TPST1: variants seen among roughly 807,000 people sequenced by gnomAD.
The protein encoded by TPST1 is protein-tyrosine sulfotransferase 1.
Under a neutral mutation model 34.8 loss-of-function variants are expected in TPST1, and 20 were observed. The ratio of observed to expected loss-of-function variants is 0.57; its 90% CI spans 0.40 to 0.84. The LOEUF (loss-of-function observed/expected upper bound fraction) is 0.84. Ranked by LOEUF, TPST1 falls within the 40% of genes least tolerant of loss-of-function variation. TPST1 has a pLI of 0.00. For synonymous variants in TPST1, 152 were observed against 159.4 expected (o/e 0.95, Z 0.35); for missense variants, 353 against 455.5 (o/e 0.78, Z 2.05).
At chr7:66,283,164 G>A (rs1169964313) in intron 2 of TPST1, among the ~76,000 whole-genome samples, 1 of 152,154 alleles carries the variant, frequency 6.6e-6, no homozygotes, top group East Asian at 1.9e-4. Context: ...AGGAGGCTGA[G>A]GCAGGAGAAT....
At chr7:66,293,187 CAG>C (rs1791122611) in intron 3 of TPST1, among the ~76,000 whole-genome samples, 2 of 150,806 alleles carry the variant, frequency 1.3e-5, no homozygotes, top group Non-Finnish European at 2.9e-5. Flanking sequence ...GCCTGGATGA[CAG>C]AGCGAGACTC....
intron 3 of TPST1, among the ~76,000 whole-genome samples, chr7:66,287,115 T>C (rs1421966635): frequency 7.1e-6 from 1 of 141,494 alleles, no homozygotes; most frequent in African/African-American, 2.7e-5. Context: ...TTTGGTTTTT[T>C]GTTCTTGCAA....
intron 5 of TPST1, among the ~76,000 whole-genome samples, chr7:66,358,049 A>C (rs1299946900): frequency 1.3e-5 from 2 of 151,612 alleles, no homozygotes. Context: ...GTGCCATTGC[A>C]CTCCAGCCTG....
intron 2 of TPST1, among the ~76,000 whole-genome samples, chr7:66,279,211 G>A (rs1016750984): frequency 6.6e-6 from 1 of 152,090 alleles, no homozygotes; most frequent in Non-Finnish European, 1.5e-5. Context: ...GTATTAATTC[G>A]CTTAGGATAA....
At chr7:66,224,652 T>C (rs1318002288) in intron 1 of TPST1, among the ~76,000 whole-genome samples, 3 of 152,146 alleles carry the variant, frequency 2.0e-5, no homozygotes, top group Non-Finnish European at 2.9e-5. Context: ...GACCTCTGTA[T>C]CTCTACTTTT....
At chr7:66,310,774 A>G (rs1001499342) in intron 3 of TPST1, among the ~76,000 whole-genome samples, 2 of 151,820 alleles carry the variant, frequency 1.3e-5, no homozygotes, top group Non-Finnish European at 2.9e-5. Context: ...GCTACTTCTC[A>G]CTTTATTTCT....
At chr7:66,271,163 C>G (rs577054073) in intron 2 of TPST1, among the ~76,000 whole-genome samples, 1 of 152,042 alleles carries the variant, frequency 6.6e-6, no homozygotes, top group South Asian at 2.1e-4. Context: ...TCAAATTGTT[C>G]CTTCTCTGGC....
chr7:66,246,683 AC>A (rs1790156956), intron 2 of TPST1, among the ~76,000 whole-genome samples: 3 of 152,224 alleles, frequency 2.0e-5, no homozygotes, highest in African/African-American at 7.2e-5. Flanking sequence ...TAGAAGGCAG[AC>A]CAGGGCTGCT....
At chr7:66,251,083 T>G (rs1790252169) in intron 2 of TPST1, among the ~76,000 whole-genome samples, 1 of 152,192 alleles carries the variant, frequency 6.6e-6, no homozygotes, top group Non-Finnish European at 1.5e-5. Flanking sequence ...GAGAACTACC[T>G]GAAACTGTGG....
At chr7:66,293,817 C>A (rs1364258343) in intron 3 of TPST1, among the ~76,000 whole-genome samples, 1 of 152,116 alleles carries the variant, frequency 6.6e-6, no homozygotes, top group African/African-American at 2.4e-5. Context: ...ATTGGTTACA[C>A]TAGAAAAATT....
upstream of TPST1, among the ~76,000 whole-genome samples, chr7:66,203,226 T>C (rs563805041): frequency 7.3e-5 from 11 of 150,302 alleles, no homozygotes; most frequent in South Asian, 2.1e-4. Flanking sequence ...CACACACACA[T>C]ATATATAATT....
chr7:66,337,892 C>T (rs1792154426), intron 3 of TPST1, among the ~76,000 whole-genome samples: 1 of 152,078 alleles, frequency 6.6e-6, no homozygotes, highest in Non-Finnish European at 1.5e-5. Context: ...TAGAGAAAAT[C>T]ACTTACCATA....
At position 66,232,889 on chromosome 7, in the gene TPST1, C is replaced by T. The variant is rs1321109078; in HGVS notation, c.-101-7436C>T. 4.6e-5 allele frequency among the ~76,000 whole-genome samples: 7 copies of T among 152,074 alleles called. No individual in the cohort carries two copies. In the East Asian group the frequency reaches 1.2e-3, roughly 25 times the overall value. On this transcript the variant is annotated intron_variant, in intron 1 of 5. Transcript: ENST00000304842. Reference sequence around the variant, plus strand: ...CATTTTATCAACATTTGTTACTGCCCATGTTGTCATCTAGTGGGTGTCAAG... The same window carrying T: ...CATTTTATCAACATTTGTTACTGCCTATGTTGTCATCTAGTGGGTGTCAAG...
At chr7:66,219,772 C>G (rs1312887580) in intron 1 of TPST1, among the ~76,000 whole-genome samples, 2 of 152,318 alleles carry the variant, frequency 1.3e-5, no homozygotes, top group East Asian at 3.9e-4. Context: ...CTGGGACGTA[C>G]CATGGTATAC....
intron 3 of TPST1, among the ~76,000 whole-genome samples, chr7:66,319,266 T>A (rs1469362240): frequency 6.6e-6 from 1 of 152,222 alleles, no homozygotes; most frequent in Non-Finnish European, 1.5e-5. Flanking sequence ...TCTGCCTTCT[T>A]ACCTCTATCT....
At chr7:66,327,774 A>G (rs1056387707) in intron 3 of TPST1, among the ~76,000 whole-genome samples, 1 of 151,668 alleles carries the variant, frequency 6.6e-6, no homozygotes, top group Non-Finnish European at 1.5e-5. Flanking sequence ...GAAGAAAACT[A>G]TGAGAAAAAG....
At chr7:66,227,001 G>T in intron 1 of TPST1, among the ~76,000 whole-genome samples, 1 of 128,868 alleles carries the variant, frequency 7.8e-6, no homozygotes, top group Non-Finnish European at 1.6e-5. Context: ...ATTTAACACA[G>T]TTTGGTGTTG....
intron 3 of TPST1, among the ~76,000 whole-genome samples, chr7:66,298,531 T>C (rs563738607): frequency 6.6e-6 from 1 of 152,330 alleles, no homozygotes; most frequent in South Asian, 2.1e-4. Context: ...ATAGCTGGCT[T>C]TGTTTGTTAA....
At chr7:66,292,720 G>T (rs1339026412) in intron 3 of TPST1, among the ~76,000 whole-genome samples, 1 of 139,182 alleles carries the variant, frequency 7.2e-6, no homozygotes, top group East Asian at 2.2e-4. Context: ...TTCGGCTCGC[G>T]CACGGTGCGC....
Sources: allele counts gnomAD v4.1 joint callset (sites outside exome capture counted in the v4.1 genomes callset), GRCh38; gene constraint gnomAD v4.1.1; transcripts MANE v1.5; gene names NCBI Gene and HGNC (gene_info 2026-07-23, HGNC 2026-07-21).